Variants in NR2F1-AS1 observed in about 807,000 individuals in gnomAD.
NR2F1-AS1 encodes the protein NR2F1 antisense RNA 1.
intron 4 of NR2F1-AS1, among the ~76,000 whole-genome samples, chr5:93,548,290 A>T (rs1335607330): frequency 6.6e-6 from 1 of 152,180 alleles, no homozygotes; most frequent in East Asian, 1.9e-4. Flanking sequence ...TGTGGTCAAA[A>T]AAAAATATTT....
upstream of NR2F1-AS1, chr5:93,585,071 CG>C: frequency 1.2e-5 from 12 of 1,030,514 alleles, no homozygotes; most frequent in East Asian, 1.8e-4. Context: ...ACGACGTGGC[CG>C]GGGGCAACCC....
chr5:93,565,638 T>C (rs1752600757), intron 1 of NR2F1-AS1, among the ~76,000 whole-genome samples: 1 of 152,032 alleles, frequency 6.6e-6, no homozygotes, highest in African/African-American at 2.4e-5. Flanking sequence ...TTGTATGAAA[T>C]ACTTTCTAGT....
intron 2 of NR2F1-AS1, among the ~76,000 whole-genome samples, chr5:93,562,592 C>CATTTT (rs1561504782): frequency 1.3e-5 from 2 of 152,128 alleles, no homozygotes; most frequent in Non-Finnish European, 2.9e-5. Flanking sequence ...CCATACCCAG[C>CATTTT]CTCAATTCCA....
intron 4 of NR2F1-AS1, among the ~76,000 whole-genome samples, chr5:93,458,679 A>C (rs950070553): frequency 8.5e-5 from 13 of 152,160 alleles, no homozygotes; most frequent in Admixed American, 7.9e-4. Context: ...CCTTTCACTA[A>C]AGTAAAAACT....
intron 1 of NR2F1-AS1, chr5:93,570,195 A>G (rs900477371): frequency 2.6e-5 from 4 of 152,268 alleles, no homozygotes; most frequent in African/African-American, 4.8e-5. Context: ...AAGGGCCACA[A>G]AAGGAAACTC....
intron 4 of NR2F1-AS1, among the ~76,000 whole-genome samples, chr5:93,420,197 C>G (rs1436514736): frequency 6.6e-6 from 1 of 152,004 alleles, no homozygotes; most frequent in African/African-American, 2.4e-5. Context: ...GTCTCAAAAC[C>G]AACAAACAAA....
rs573127522 is a variant in NR2F1-AS1, at chr5:93,469,655, C to T, written n.639-74113G>A. 2.0e-5 allele frequency among the ~76,000 whole-genome samples: 3 copies of T among 152,176 alleles called. No homozygotes were observed. In the East Asian group the frequency reaches 5.8e-4, roughly 29 times the overall value. On this transcript the variant is annotated intron_variant and non_coding_transcript_variant, in intron 4 of 5. Transcript: ENST00000660523. ...AACAGCTTGCACCATGCCTTCCTTGCACACAGTAAATACTCAAGAAATACA... is the reference window on the plus strand; with the variant it reads ...AACAGCTTGCACCATGCCTTCCTTGTACACAGTAAATACTCAAGAAATACA...
intron 1 of NR2F1-AS1, among the ~76,000 whole-genome samples, chr5:93,575,401 A>G (rs545921938): frequency 6.6e-4 from 100 of 152,368 alleles, no homozygotes; most frequent in Non-Finnish European, 1.4e-3. Context: ...GATAATTCCT[A>G]TTTCAAATAA....
chr5:93,458,107 G>A (rs1749992682), intron 4 of NR2F1-AS1, among the ~76,000 whole-genome samples: 1 of 152,162 alleles, frequency 6.6e-6, no homozygotes, highest in Non-Finnish European at 1.5e-5. Flanking sequence ...TTCTCATCAG[G>A]TGAAATGAAA....
At chr5:93,451,634 G>A (rs1208215639) in intron 4 of NR2F1-AS1, among the ~76,000 whole-genome samples, 4 of 152,006 alleles carry the variant, frequency 2.6e-5, no homozygotes, top group Admixed American at 6.6e-5. Context: ...AACTCCTGAG[G>A]TCAAGTGATC....
chr5:93,546,565 T>C (rs1265635852), intron 4 of NR2F1-AS1, among the ~76,000 whole-genome samples: 4 of 152,252 alleles, frequency 2.6e-5, no homozygotes, highest in East Asian at 1.9e-4. Context: ...GGTCCATAAG[T>C]GCTTTTGCAT....
chr5:93,540,640 G>C (rs1469733822), intron 4 of NR2F1-AS1, among the ~76,000 whole-genome samples: 2 of 152,176 alleles, frequency 1.3e-5, no homozygotes, highest in Non-Finnish European at 2.9e-5. Context: ...AAAGTGACCT[G>C]TTATGGTTTT....
At chr5:93,433,159 G>A (rs1053819656) in intron 4 of NR2F1-AS1, among the ~76,000 whole-genome samples, 1 of 152,094 alleles carries the variant, frequency 6.6e-6, no homozygotes, top group Non-Finnish European at 1.5e-5. Context: ...CCCCACTTTT[G>A]TTATACCTTA....
chr5:93,488,141 A>G (rs961536574), intron 4 of NR2F1-AS1, among the ~76,000 whole-genome samples: 1 of 152,242 alleles, frequency 6.6e-6, no homozygotes, highest in Non-Finnish European at 1.5e-5. Flanking sequence ...TAAAAACCCT[A>G]GAAGAAAACC....
At chr5:93,532,002 T>C (rs777999265) in intron 4 of NR2F1-AS1, among the ~76,000 whole-genome samples, 3 of 152,174 alleles carry the variant, frequency 2.0e-5, no homozygotes, top group Non-Finnish European at 4.4e-5. Flanking sequence ...TTTTTCTTCA[T>C]AAGTGTGTGT....
chr5:93,454,302 T>C (rs1469101532), intron 4 of NR2F1-AS1, among the ~76,000 whole-genome samples: 1 of 151,702 alleles, frequency 6.6e-6, no homozygotes, highest in East Asian at 1.9e-4. Flanking sequence ...AAAAAGAAGA[T>C]AAAATAAAAG....
chr5:93,425,360 C>T (rs1320070150), intron 4 of NR2F1-AS1, among the ~76,000 whole-genome samples: 3 of 152,166 alleles, frequency 2.0e-5, no homozygotes, highest in African/African-American at 7.2e-5. Context: ...ACAATACAGT[C>T]ACAGGGTTCC....
chr5:93,522,577 T>A (rs377727113), intron 4 of NR2F1-AS1, among the ~76,000 whole-genome samples: 82 of 152,308 alleles, frequency 5.4e-4, no homozygotes, highest in African/African-American at 1.9e-3. Flanking sequence ...TAGGAAGAGC[T>A]CTGGTCAGCA....
chr5:93,582,948 C>CG (rs147929468), upstream of NR2F1-AS1, among the ~76,000 whole-genome samples: 10,843 of 143,138 alleles, frequency 0.076, 420 homozygotes, highest in Non-Finnish European at 0.088. Flanking sequence ...GGTAGCTAAG[C>CG]GGGGGGGGGA....
Sources: gnomAD v4.1 joint callset for allele counts (sites outside exome capture counted in the v4.1 genomes callset) on GRCh38, gnomAD v4.1.1 for gene constraint, MANE v1.5 for transcripts, NCBI Gene and HGNC (gene_info 2026-07-23, HGNC 2026-07-21) for gene names.